CFAP74: variants seen among roughly 807,000 people sequenced by gnomAD.
CFAP74 encodes cilia- and flagella-associated protein 74.
In CFAP74, 124 loss-of-function variants were observed where a neutral mutation model predicts 188.9. That is an observed-to-expected ratio of 0.66 (90% CI 0.57 to 0.76). The LOEUF is 0.76. Among genes scored for constraint, CFAP74 ranks in the 30% least tolerant of loss-of-function variants. The probability of loss-of-function intolerance (pLI) is 0.00; values close to 1 mark genes in which losing one functional copy is unlikely to be tolerated. For missense variants in CFAP74, 2,198 were observed against 2,165.2 expected (o/e 1.02, Z -0.30); for synonymous variants, 956 against 916.7 (o/e 1.04, Z -0.77).
chr1:1,927,521 T>C, intron 28 of CFAP74, 86 bp downstream of exon 28: 1 of 1,270,960 alleles, frequency 7.9e-7, no homozygotes, highest in Non-Finnish European at 1.1e-6. Flanking sequence ...GGGCAATCTG[T>C]AGGGAGGGGA....
Position 1,944,408 on chromosome 1 carries a change from C to G in CFAP74, c.2409G>C (p.Trp803Cys). Residue 803 changes from tryptophan to cysteine, a missense_variant, in exon 21 of 39, where the codon TGG (tryptophan) becomes TGC (cysteine). Coordinates refer to ENST00000682832, the MANE Select transcript of CFAP74 (RefSeq NM_001304360.2). Reference protein sequence around the residue: ...VVGVAIDVPVWVPKPSVDLKI... With the variant: ...VVGVAIDVPVCVPKPSVDLKI... ...TCAGGTCCACGCTGGGCTTCGGCAC[C>G]CAGACCGGCACATCGATGGCCACGC... is the stretch of plus-strand genomic sequence containing the variant. 1 of 1,536,082 alleles carries G rather than the reference C, an allele frequency of 6.5e-7. No homozygotes were observed. Among genetic ancestry groups the G allele is most frequent in the Non-Finnish European group, 8.7e-7 (1 of 1,146,890 alleles).
At chr1:1,943,321 C>T (rs917153410) in intron 21 of CFAP74, among the ~76,000 whole-genome samples, 18 of 152,242 alleles carry the variant, frequency 1.2e-4, no homozygotes, top group Non-Finnish European at 2.2e-4. Context: ...CGCCAACACA[C>T]GCAGCTGGCT....
chr1:1,931,521 G>A (rs1652374847), intron 25 of CFAP74, among the ~76,000 whole-genome samples: 1 of 149,572 alleles, frequency 6.7e-6, no homozygotes, highest in Admixed American at 6.7e-5. Context: ...CGGATCACAA[G>A]GTCAGGAGAT....
chr1:1,944,843 G>A (rs905968717), intron 20 of CFAP74, among the ~76,000 whole-genome samples: 7 of 152,014 alleles, frequency 4.6e-5, no homozygotes, highest in African/African-American at 1.7e-4. Context: ...CTGACCTCAG[G>A]GATCCACCCA....
Position 1,930,107 on chromosome 1 carries a change from A to C in CFAP74, c.3241T>G (p.Ser1081Ala), listed in dbSNP as rs562840620. Residue 1081 changes from serine (S) to alanine (A), a missense_variant, in exon 26 of 39, where the codon TCG becomes GCG. Transcript: ENST00000682832. ...ACTGAGGGCGAGATGGTGATAGGCG[A>C]GTCTGGGGGCAGCAGGAACTCGAAA... ...TSFEFLLPPD[S>A]PITISPSVGT... 1 of 1,534,654 alleles carries C rather than the reference A, an allele frequency of 6.5e-7. No individual in the cohort carries two copies. The highest frequency in any genetic ancestry group is 8.7e-7 in the Non-Finnish European group (1 of 1,145,944).
At chr1:1,990,837 A>G in intron 2 of CFAP74, 53 bp downstream of exon 2, 1 of 1,419,634 alleles carries the variant, frequency 7.0e-7, no homozygotes, top group Non-Finnish European at 9.9e-7. Flanking sequence ...GAAGCATGTC[A>G]TTTGTTTGTC....
At chr1:1,985,364 TC>T (rs1657166620) in intron 6 of CFAP74, 21 bp downstream of exon 6, 1 of 1,591,236 alleles carries the variant, frequency 6.3e-7, no homozygotes, top group Non-Finnish European at 8.6e-7. Flanking sequence ...CTGCTGCCAG[TC>T]CCGGCTGCAC....
chr1:1,948,140 G>A (rs1424218764), intron 18 of CFAP74, among the ~76,000 whole-genome samples: 1 of 152,132 alleles, frequency 6.6e-6, no homozygotes, highest in Non-Finnish European at 1.5e-5. Context: ...CAAAGTGCTG[G>A]GATTACAGGC....
In CFAP74 at chr1:1,942,901, C is replaced by A. The variant is rs34916760; in HGVS notation, c.2487-745G>T. ...ATCTCCTCCCTCCTGTGCTTCCATGCGACAGTCACCCATGCTGTGGCAGCC... is the reference window on the plus strand; with the variant it reads ...ATCTCCTCCCTCCTGTGCTTCCATGAGACAGTCACCCATGCTGTGGCAGCC... On this transcript the variant is annotated intron_variant, in intron 21 of 38. Transcript: ENST00000682832. The surrounding 1 kb of genome is among the most constrained non-coding windows in gnomAD (Gnocchi z 4.3). Among the ~76,000 whole-genome samples the A allele has an allele frequency of 3.3e-5, 5 of 152,138 alleles. No individual in the cohort carries two copies. Among genetic ancestry groups the A allele is most frequent in the African/African-American group, 9.7e-5 (4 of 41,424 alleles).
Position 1,956,517 on chromosome 1 carries a change from G to A in CFAP74, c.2016+103C>T, listed in dbSNP as rs902042359. 2.1e-6 allele frequency: 3 copies of A among 1,406,510 alleles called. 1 individual carries two copies. Among genetic ancestry groups the A allele is most frequent in the South Asian group, 2.5e-5 (2 of 80,352 alleles). 87.1% of individuals were successfully genotyped at this position (1,406,510 alleles called of 1,614,324 possible). ...CCCCACACTGCCCTCCTTCTCCCAG[G>A]CCCACTGTTGATACCCTCATGTTGT... On this transcript the variant is annotated intron_variant, in intron 17 of 38. Transcript: ENST00000682832.
At chr1:1,966,629 G>A (rs987224787) in intron 11 of CFAP74, 103 bp from the exon 12 acceptor site, 85 of 1,122,460 alleles carry the variant, frequency 7.6e-5, no homozygotes, top group Middle Eastern at 3.2e-4. Flanking sequence ...GCCTGCCCCC[G>A]TTCTTCTGCC....
chr1:1,953,252 G>C (rs560088191), intron 18 of CFAP74: 1 of 151,576 alleles, frequency 6.6e-6, no homozygotes, highest in African/African-American at 2.4e-5. Flanking sequence ...AGAAAAAAGA[G>C]GCGAGAACTA....
At position 1,944,419 on chromosome 1, in the gene CFAP74, CAT is replaced by C. The variant is rs1653610992; in HGVS notation, c.2396_2397del (p.Asp799GlyfsTer18). ...CTGGGCTTCGGCACCCAGACCGGCA[CAT>C]CGATGGCCACGCCCACGACCCTGAA... ...LHFRVVGVAI[D>X]VPVWVPKPSV... On this transcript the variant is annotated frameshift_variant, in exon 21 of 39. Coordinates refer to ENST00000682832, the MANE Select transcript of CFAP74 (RefSeq NM_001304360.2). LOFTEE classifies it high-confidence loss of function. 1.3e-6 allele frequency: 2 copies of C among 1,535,078 alleles called. No homozygotes were observed. The highest frequency in any genetic ancestry group is 1.7e-6 in the Non-Finnish European group (2 of 1,146,404).
intron 1 of CFAP74, among the ~76,000 whole-genome samples, chr1:1,998,765 T>G (rs1658054911): frequency 6.6e-6 from 1 of 151,994 alleles, no homozygotes; most frequent in South Asian, 2.1e-4. Context: ...TAGTCCCAGC[T>G]ACTCGGGAGG....
rs774036192 is a variant in CFAP74, at chr1:1,935,227, CGT to C, written c.3011+3626_3011+3627del. ...TGTACGTGGGTGTTGTAGGTACACA[CGT>C]GTGTACGTGGGTGTTAGGCTGTAAG... On this transcript the variant is annotated intron_variant, in intron 25 of 38. Transcript: ENST00000682832. Among the ~76,000 whole-genome samples, 5 of 81,352 alleles carry C rather than the reference CGT, an allele frequency of 6.1e-5. 2 individuals are homozygous for C. The highest frequency in any genetic ancestry group is 1.2e-4 in the Non-Finnish European group (5 of 40,126). The allele number at this position is 81,352 out of a possible 152,430, so 53.4% of individuals were successfully genotyped here. A position where few individuals can be genotyped will look rare whatever the true frequency, so the allele number is the denominator to read the frequency against.
Position 1,923,011 on chromosome 1 carries a change from G to A in CFAP74, c.4657C>T (p.Arg1553Trp), listed in dbSNP as rs536705748. The A allele has an allele frequency of 2.3e-5, 37 of 1,596,472 alleles. 1 individual carries two copies. Among genetic ancestry groups the A allele is most frequent in the South Asian group, 9.0e-5 (8 of 88,910 alleles). Residue 1553 changes from arginine to tryptophan, a missense_variant, in exon 37 of 39, where the codon CGG becomes TGG. By Grantham distance (101) the Arg-to-Trp change is moderately radical (BLOSUM62 -3). Transcript: ENST00000682832. The surrounding 1 kb of genome is among the most constrained non-coding windows in gnomAD (Gnocchi z 6.3). The stretch of plus-strand genomic sequence containing the variant: ...TTCTTTGGAGATGGCTGGGTGGTCC[G>A]GATACAGCCCACCTGCAGCTCTCGG... Reference protein sequence around the residue: ...ATRELQVGCIRTTQPSPKKTV... With the variant: ...ATRELQVGCIWTTQPSPKKTV...
chr1:1,928,557 C>A (rs113045329), intron 27 of CFAP74, among the ~76,000 whole-genome samples: 427 of 152,338 alleles, frequency 2.8e-3, no homozygotes, highest in African/African-American at 9.4e-3. Flanking sequence ...CCTCCAGAGC[C>A]CACCCTTCCC....
intron 21 of CFAP74, among the ~76,000 whole-genome samples, chr1:1,943,675 C>T (rs1166057865): frequency 6.6e-6 from 1 of 152,242 alleles, no homozygotes; most frequent in East Asian, 1.9e-4. Flanking sequence ...CCTGTGTCCA[C>T]GAGGGGCTGA....
chr1:1,969,942 C>A (rs1314329610), intron 10 of CFAP74, among the ~76,000 whole-genome samples: 1 of 152,198 alleles, frequency 6.6e-6, no homozygotes, highest in Non-Finnish European at 1.5e-5. Context: ...TCGGGCAAAA[C>A]CCAGGACAGG....
Sources: gnomAD v4.1 joint callset for allele counts (sites outside exome capture counted in the v4.1 genomes callset) on GRCh38, gnomAD v4.1.1 for gene constraint, Gnocchi (gnomAD v3.1) non-coding constraint, MANE v1.5 for transcripts, NCBI Gene and HGNC (gene_info 2026-07-23, HGNC 2026-07-21) for gene names.